Variants in CDK13 observed in about 807,000 individuals in gnomAD.
The protein encoded by CDK13 is cyclin dependent kinase 13.
In CDK13, 40 loss-of-function variants were observed where a neutral mutation model predicts 137.6. The observed-to-expected ratio is 0.29, with a 90% CI of 0.23 to 0.38. CDK13 has a LOEUF of 0.38. CDK13 is among the 10% of genes least tolerant of loss of function. CDK13 has a pLI of 1.00. For synonymous variants in CDK13, 869 were observed against 760.1 expected, an observed-to-expected ratio of 1.14 and a Z score of -2.36; for missense variants, 1,704 against 1,951.8, an observed-to-expected ratio of 0.87 and a Z score of 2.39.
intron 12 of CDK13, among the ~76,000 whole-genome samples, chr7:40,091,157 A>G (rs1428105333): frequency 6.6e-6 from 1 of 151,632 alleles, no homozygotes. Context: ...CATCCTGGCT[A>G]ACACGGTGAA....
At position 39,950,529 on chromosome 7, in the gene CDK13, T is replaced by C. The variant is rs896830745; in HGVS notation, c.-113T>C. The C allele has an allele frequency of 1.1e-5, 14 of 1,266,900 alleles. No individual in the cohort carries two copies. The African/African-American group carries it at 1.7e-4, about 15-fold the overall frequency. The allele number at this position is 1,266,900 out of a possible 1,614,324, so 78.5% of individuals were successfully genotyped here. A position where few individuals can be genotyped will look rare whatever the true frequency, so the allele number is the denominator to read the frequency against. ...TATCGTGGCGCTTTTCCCGGCCGGC[T>C]CTGGTGCTCGGTGTCCCTCCGCCGC... is the stretch of plus-strand genomic sequence containing the variant. On this transcript the variant is annotated 5_prime_UTR_variant, in exon 1 of 14. Coordinates refer to ENST00000181839, the MANE Select transcript of CDK13 (RefSeq NM_003718.5).
In CDK13 at chr7:39,951,286, G is replaced by C. The variant is rs1185235703; in HGVS notation, c.645G>C (p.Glu215Asp). 2 of 1,362,472 alleles carry C rather than the reference G, an allele frequency of 1.5e-6. No individual in the cohort carries two copies. Among genetic ancestry groups the C allele is most frequent in the Admixed American group, 4.0e-5 (1 of 25,130 alleles). 84.4% of individuals were successfully genotyped at this position (1,362,472 alleles called of 1,614,324 possible). Residue 215 changes from glutamate to aspartate, a missense_variant, in exon 1 of 14, where the codon GAG (glutamate) becomes GAC (aspartate). Around this residue, in one of 5 missense-constraint regions of CDK13, gnomAD observed 1,051 missense variants for 931.0 expected, o/e 1.13. Transcript: ENST00000181839. Reference protein sequence around the residue: ...SSGRSKERHREHRRRDGQRGG... With the variant: ...SSGRSKERHRDHRRRDGQRGG... ...GCCGCAGCAAGGAGCGCCACCGCGA[G>C]CACCGGCGGCGGGATGGGCAGCGCG...
chr7:40,074,886 C>T (rs189390649), intron 9 of CDK13, among the ~76,000 whole-genome samples: 1 of 150,996 alleles, frequency 6.6e-6, no homozygotes, highest in Non-Finnish European at 1.5e-5. Flanking sequence ...CAAAATCTCA[C>T]TGAAAATAGA....
At chr7:39,969,923 C>T (rs1427169065) in intron 1 of CDK13, among the ~76,000 whole-genome samples, 8 of 151,888 alleles carry the variant, frequency 5.3e-5, no homozygotes, top group African/African-American at 1.9e-4. Context: ...ACGTTTTTTC[C>T]TCAGTCTGTG....
chr7:39,976,321 T>TCACACACACACACACA (rs1248415358), intron 1 of CDK13, among the ~76,000 whole-genome samples: 21 of 36,006 alleles, frequency 5.8e-4, no homozygotes, highest in South Asian at 2.4e-3. Flanking sequence ...TCTCTCTCTC[T>TCACACACACACACACA]CTCACACACA....
chr7:39,980,260 T>C (rs1784196124), intron 1 of CDK13, among the ~76,000 whole-genome samples: 1 of 152,122 alleles, frequency 6.6e-6, no homozygotes, highest in Non-Finnish European at 1.5e-5. Flanking sequence ...AAATTAAAAA[T>C]AGAGAATGGT....
At chr7:39,996,959 C>T (rs1236658469) in intron 2 of CDK13, among the ~76,000 whole-genome samples, 1 of 24,120 alleles carries the variant, frequency 4.1e-5, no homozygotes, top group East Asian at 8.6e-4. Flanking sequence ...GAGATTCCAT[C>T]TCAAAAAAAA....
intron 11 of CDK13, among the ~76,000 whole-genome samples, chr7:40,082,875 TGGATCCCTTGA>T (rs1431253768): frequency 1.4e-5 from 2 of 147,320 alleles, no homozygotes. Context: ...CCAAGGCAGG[TGGATCCCTTGA>T]GCCCATGAGT....
At chr7:40,034,984 G>T (rs530259849) in intron 5 of CDK13, among the ~76,000 whole-genome samples, 1 of 152,186 alleles carries the variant, frequency 6.6e-6, no homozygotes, top group Admixed American at 6.5e-5. Flanking sequence ...AGGCACAATT[G>T]ATAATATTTC....
intron 9 of CDK13, among the ~76,000 whole-genome samples, chr7:40,068,707 G>GAAAAAAAAAA (rs1158145409): frequency 2.1e-5 from 1 of 47,080 alleles, no homozygotes; most frequent in Non-Finnish European, 3.9e-5. Flanking sequence ...CTATGTCTCA[G>GAAAAAAAAAA]AAAAAAAAAA....
At chr7:39,997,450 C>A in intron 2 of CDK13, 44 bp from the exon 3 acceptor site, 1 of 1,492,706 alleles carries the variant, frequency 6.7e-7, no homozygotes, top group Non-Finnish European at 9.2e-7. Flanking sequence ...TTTTATTAGT[C>A]AACAAAATTT....
intron 5 of CDK13, among the ~76,000 whole-genome samples, chr7:40,043,280 T>C (rs1013126168): frequency 1.3e-5 from 2 of 152,230 alleles, no homozygotes; most frequent in Non-Finnish European, 2.9e-5. Flanking sequence ...TTTATAATTA[T>C]TAGATATATA....
At chr7:40,000,593 G>T (rs538028470) in intron 4 of CDK13, among the ~76,000 whole-genome samples, 1 of 152,262 alleles carries the variant, frequency 6.6e-6, no homozygotes, top group African/African-American at 2.4e-5. Flanking sequence ...AGGCCATATA[G>T]TATATGGGAG....
chr7:40,078,869 C>T lies in CDK13; in HGVS notation c.3029+18C>T. 8.7e-7 allele frequency: 1 copy of T among 1,146,906 alleles called. No individual in the cohort carries two copies. Among genetic ancestry groups the T allele is most frequent in the Admixed American group, 3.3e-5 (1 of 30,726 alleles). The allele number at this position is 1,146,906 out of a possible 1,614,324, so 71.0% of individuals were successfully genotyped here. On this transcript the variant is annotated intron_variant, in intron 11 of 13. Transcript: ENST00000181839. The stretch of plus-strand genomic sequence containing the variant: ...CCACCAGAGTAAGTGACTTTTTATC[C>T]TATTATTATTATATATTATTATTAT...
intron 2 of CDK13, among the ~76,000 whole-genome samples, chr7:39,992,334 G>A (rs1192827090): frequency 6.6e-6 from 1 of 151,922 alleles, no homozygotes; most frequent in African/African-American, 2.4e-5. Flanking sequence ...AGTAGCTGGG[G>A]TTACAGGCGC....
At chr7:40,053,901 T>C (rs761971957) in intron 7 of CDK13, among the ~76,000 whole-genome samples, 17 of 152,230 alleles carry the variant, frequency 1.1e-4, no homozygotes, top group Non-Finnish European at 1.6e-4. Flanking sequence ...ATCATTCTTA[T>C]GTACATTTTA....
chr7:40,014,851 T>C (rs1784972005), intron 5 of CDK13, among the ~76,000 whole-genome samples: 1 of 152,206 alleles, frequency 6.6e-6, no homozygotes, highest in African/African-American at 2.4e-5. Context: ...TATAATTGTA[T>C]GTTTTACATA....
In CDK13 at chr7:40,094,760, G is replaced by A. The variant is rs756927745; in HGVS notation, c.4319G>A (p.Ser1440Asn). 1.9e-5 allele frequency: 30 copies of A among 1,613,498 alleles called. No homozygotes were observed. Among genetic ancestry groups the A allele is most frequent in the Non-Finnish European group, 2.5e-5 (30 of 1,179,696 alleles). The part of the protein sequence containing the change: ...SHGPIAVLAN[S>N]SDPSTGPEST... Reference sequence around the variant, plus strand: ...GGTCCTATTGCAGTCCTGGCAAACAGCAGTGACCCTTCCACGGGGCCAGAG... The same window carrying A: ...GGTCCTATTGCAGTCCTGGCAAACAACAGTGACCCTTCCACGGGGCCAGAG... The change falls in exon 14 of 14, where the codon AGC (serine) becomes AAC (asparagine). Residue 1440 changes from serine (S) to asparagine (N), a missense_variant. By Grantham distance (46) the Ser-to-Asn change is conservative. Around this residue, in one of 5 missense-constraint regions of CDK13, gnomAD observed 475 missense variants for 579.3 expected, o/e 0.82. Coordinates refer to ENST00000181839, the MANE Select transcript of CDK13 (RefSeq NM_003718.5).
intron 1 of CDK13, among the ~76,000 whole-genome samples, chr7:39,976,629 A>T (rs1205287091): frequency 6.6e-6 from 1 of 152,112 alleles, no homozygotes; most frequent in Admixed American, 6.5e-5. Flanking sequence ...CCACCAAAAT[A>T]GTACTCCACT....
Sources: gnomAD v4.1 joint callset for allele counts (sites outside exome capture counted in the v4.1 genomes callset) on GRCh38, gnomAD v4.1.1 for gene constraint, gnomAD v4.1.1 regional missense constraint, MANE v1.5 for transcripts, NCBI Gene and HGNC (gene_info 2026-07-23, HGNC 2026-07-21) for gene names.